Variants in ELOVL5 observed in about 807,000 individuals in gnomAD.
The protein encoded by ELOVL5 is ELOVL fatty acid elongase 5.
A neutral mutation model predicts 38.6 loss-of-function variants in ELOVL5; 8 were observed. The ratio of observed to expected loss-of-function variants is 0.21; its 90% CI spans 0.12 to 0.37. The LOEUF is 0.37. Among genes scored for constraint, ELOVL5 ranks in the 10% least tolerant of loss-of-function variants. The pLI, the probability that ELOVL5 is intolerant of heterozygous loss-of-function variation, is 1.00. For synonymous variants in ELOVL5, 127 were observed against 133.7 expected (o/e 0.95, Z 0.34); for missense variants, 280 against 367.8 (o/e 0.76, Z 1.95).
rs1226377180 is a variant in ELOVL5 at position 53,294,458 on chromosome 6, G to T, written c.58+1184C>A. 4 of 1,550,538 alleles carry T rather than the reference G, an allele frequency of 2.6e-6. No individual in the cohort carries two copies. The African/African-American group carries it at 5.5e-5, about 21-fold the overall frequency. On this transcript the variant is annotated intron_variant, in intron 2 of 7. Transcript: ENST00000304434. ...TAGCCATCCTACAACTGTGTGAAGT[G>T]GGGGACCCATTCTGAGGACAGAGCT... is the stretch of plus-strand genomic sequence containing the variant.
At chr6:53,324,252 CAAAA>C (rs59453946) in intron 1 of ELOVL5, among the ~76,000 whole-genome samples, 15 of 110,346 alleles carry the variant, frequency 1.4e-4, no homozygotes, top group Non-Finnish European at 2.0e-4. Context: ...GACTCTACCT[CAAAA>C]AAAAAAAAAA....
chr6:53,273,464 A>C, intron 5 of ELOVL5, 120 bp from the exon 6 acceptor site: 1 of 895,998 alleles, frequency 1.1e-6, no homozygotes, highest in Non-Finnish European at 1.7e-6. Context: ...CTTCCAACGG[A>C]GCTGACAAAC....
Position 53,270,575 on chromosome 6 carries a change from G to A in ELOVL5, c.756+18C>T. The A allele has an allele frequency of 6.2e-7, 1 of 1,613,626 alleles. No homozygotes were observed. Among genetic ancestry groups the A allele is most frequent in the Non-Finnish European group, 8.5e-7 (1 of 1,179,626 alleles). On this transcript the variant is annotated intron_variant, in intron 7 of 7. Coordinates refer to ENST00000304434, the MANE Select transcript of ELOVL5 (RefSeq NM_021814.5). ...TAAAGGCCCCAGATTCCAAGTCCCAGAGAAGGGTGAGATTTACCTGAATGT... is the reference window on the plus strand; with the variant it reads ...TAAAGGCCCCAGATTCCAAGTCCCAAAGAAGGGTGAGATTTACCTGAATGT...
chr6:53,275,030 T>C (rs556496168), intron 5 of ELOVL5, 60 bp downstream of exon 5: 4 of 1,513,522 alleles, frequency 2.6e-6, no homozygotes, highest in South Asian at 1.2e-5. Context: ...CTGAAAGCCT[T>C]AGTTTCAACT....
At chr6:53,325,108 C>T (rs546261443) in intron 1 of ELOVL5, among the ~76,000 whole-genome samples, 1 of 152,294 alleles carries the variant, frequency 6.6e-6, no homozygotes, top group Admixed American at 6.5e-5. Context: ...GGTCCACTCG[C>T]TAACATGAAT....
intron 1 of ELOVL5, among the ~76,000 whole-genome samples, chr6:53,324,426 A>G (rs566972274): frequency 6.6e-6 from 1 of 152,144 alleles, no homozygotes; most frequent in East Asian, 1.9e-4. Flanking sequence ...CTGTAATCCC[A>G]ACACTTTGGG....
chr6:53,269,386 G>A (rs1765845315), intron 7 of ELOVL5, 116 bp from the exon 8 acceptor site: 4 of 717,934 alleles, frequency 5.6e-6, no homozygotes, highest in Non-Finnish European at 6.3e-6. Context: ...TCTTATCAAG[G>A]AGAAACTCCT....
At chr6:53,331,108 C>G (rs7762832) in intron 1 of ELOVL5, among the ~76,000 whole-genome samples, 1,636 of 152,244 alleles carry the variant, frequency 0.011, 32 homozygotes, top group African/African-American at 0.037. Flanking sequence ...GGTGGAAGGA[C>G]TGCTGGAGCC....
intron 1 of ELOVL5, among the ~76,000 whole-genome samples, chr6:53,320,593 G>C (rs1768264549): frequency 6.6e-6 from 1 of 151,996 alleles, no homozygotes; most frequent in South Asian, 2.1e-4. Context: ...AAAGTGCTGG[G>C]ATTACAGGCG....
At chr6:53,315,787 T>G (rs1768009650) in intron 1 of ELOVL5, among the ~76,000 whole-genome samples, 1 of 152,214 alleles carries the variant, frequency 6.6e-6, no homozygotes, top group African/African-American at 2.4e-5. Flanking sequence ...AAACCCTAGC[T>G]GTCAGTGGAG....
chr6:53,283,368 T>C (rs2127571090), intron 3 of ELOVL5, among the ~76,000 whole-genome samples: 1 of 152,200 alleles, frequency 6.6e-6, no homozygotes, highest in East Asian at 1.9e-4. Context: ...CACAGAACAC[T>C]AGGCAAACCT....
chr6:53,295,229 T>G (rs1390408508), intron 2 of ELOVL5, among the ~76,000 whole-genome samples: 1 of 152,196 alleles, frequency 6.6e-6, no homozygotes, highest in Admixed American at 6.5e-5. Context: ...CAGGTGCATA[T>G]TTACCAGTGA....
intron 1 of ELOVL5, among the ~76,000 whole-genome samples, chr6:53,301,616 G>A (rs954234067): frequency 6.6e-6 from 1 of 152,142 alleles, no homozygotes; most frequent in African/African-American, 2.4e-5. Context: ...AGTAGTAACA[G>A]GGCCCAGTGA....
intron 1 of ELOVL5, among the ~76,000 whole-genome samples, chr6:53,321,292 G>A (rs1768295522): frequency 6.6e-6 from 1 of 152,208 alleles, no homozygotes; most frequent in Admixed American, 6.5e-5. Context: ...GACATCATGC[G>A]CATCACCATC....
intron 1 of ELOVL5, among the ~76,000 whole-genome samples, chr6:53,303,214 C>CA (rs922485435): frequency 6.6e-6 from 1 of 152,164 alleles, no homozygotes; most frequent in African/African-American, 2.4e-5. Flanking sequence ...TGTTAAAATT[C>CA]AAAATGTCGT....
In ELOVL5 at chr6:53,317,628, A is replaced by C. The variant is rs566201796; in HGVS notation, c.-8-21921T>G. On this transcript the variant is annotated intron_variant, in intron 1 of 7. Coordinates refer to ENST00000304434, the MANE Select transcript of ELOVL5 (RefSeq NM_021814.5). ...ATGGACATAGGAAGGGGAGCGTCAC[A>C]CCACGGGGACTGTTGTGGGGTCGGG... is the stretch of plus-strand genomic sequence containing the variant. Among the ~76,000 whole-genome samples the C allele has an allele frequency of 2.0e-5, 3 of 151,254 alleles. No individual in the cohort carries two copies. The South Asian group carries it at 6.3e-4, about 32-fold the overall frequency.
At chr6:53,343,786 A>C (rs1769427547) in intron 1 of ELOVL5, among the ~76,000 whole-genome samples, 1 of 152,202 alleles carries the variant, frequency 6.6e-6, no homozygotes, top group South Asian at 2.1e-4. Context: ...AGTTTTAATA[A>C]ACACACAAAC....
chr6:53,324,672 C>CG (rs1768447947), intron 1 of ELOVL5, among the ~76,000 whole-genome samples: 2 of 80,382 alleles, frequency 2.5e-5, no homozygotes, highest in African/African-American at 8.1e-5. Context: ...GAGATCCTGT[C>CG]AAAAAAAAAA....
At chr6:53,276,295 A>G in intron 3 of ELOVL5, 39 bp from the exon 4 acceptor site, 1 of 1,284,162 alleles carries the variant, frequency 7.8e-7, no homozygotes, top group Non-Finnish European at 1.1e-6. Flanking sequence ...ACAGCATCTG[A>G]GCCATGTAAA....
Sources: gnomAD v4.1 joint callset for allele counts (sites outside exome capture counted in the v4.1 genomes callset) on GRCh38, gnomAD v4.1.1 for gene constraint, MANE v1.5 for transcripts, NCBI Gene and HGNC (gene_info 2026-07-23, HGNC 2026-07-21) for gene names.